The following SNTG2 variants were observed in gnomAD, a reference collection of about 807,000 sequenced individuals.
SNTG2 encodes syntrophin gamma 2, also known as gamma-2-syntrophin.
A neutral mutation model predicts 70.9 loss-of-function variants in SNTG2; 74 were observed. That is an observed-to-expected ratio of 1.04 (90% confidence interval 0.86 to 1.27). SNTG2 has a LOEUF of 1.27. SNTG2 is among the 50% of genes most tolerant of loss of function. The pLI, the probability that SNTG2 is intolerant of heterozygous loss-of-function variation, is 0.00. For missense variants in SNTG2, 717 were observed against 690.7 expected (o/e 1.04, Z -0.43); for synonymous variants, 278 against 273.8 (o/e 1.02, Z -0.15).
At chr2:1,119,750 T>C (rs112149028) in intron 4 of SNTG2, among the ~76,000 whole-genome samples, 1,955 of 150,768 alleles carry the variant, frequency 0.013, 34 homozygotes, top group African/African-American at 0.042. Context: ...CAGACGAGAG[T>C]GGAGGAAAGG....
intron 16 of SNTG2, among the ~76,000 whole-genome samples, chr2:1,356,446 T>C (rs1237319589): frequency 6.6e-6 from 1 of 152,242 alleles, no homozygotes; most frequent in East Asian, 1.9e-4. Flanking sequence ...GAGACTGACC[T>C]TTCCCCACTG....
At chr2:1,103,344 C>T in intron 4 of SNTG2, 1 of 265,076 alleles carries the variant, frequency 3.8e-6, no homozygotes, top group Non-Finnish European at 7.7e-6. Flanking sequence ...TCTTTCAATT[C>T]ATTAACCTTT....
intron 1 of SNTG2, among the ~76,000 whole-genome samples, chr2:1,015,838 C>T (rs1239627629): frequency 2.0e-5 from 3 of 152,110 alleles, no homozygotes; most frequent in Non-Finnish European, 4.4e-5. Flanking sequence ...TCCTTCGCTC[C>T]CAGCAGGATG....
At position 1,066,885 on chromosome 2, in the gene SNTG2, C is replaced by T. The variant is rs1008081059; in HGVS notation, c.73-16633C>T. On this transcript the variant is annotated intron_variant, in intron 1 of 16. Coordinates refer to ENST00000308624, the MANE Select transcript of SNTG2 (RefSeq NM_018968.4). ...GCTTCCACGATTACTCTCAGTTGGT[C>T]GTCAACTTCCAATGGCGTCGCTACG... Among the ~76,000 whole-genome samples the T allele has an allele frequency of 1.2e-4, 19 of 152,114 alleles. 1 individual carries two copies. The highest frequency in any genetic ancestry group is 4.6e-4 in the African/African-American group (19 of 41,424).
chr2:1,166,159 CTAA>C (rs1179638311), intron 7 of SNTG2, among the ~76,000 whole-genome samples: 1 of 152,190 alleles, frequency 6.6e-6, no homozygotes, highest in African/African-American at 2.4e-5. Flanking sequence ...GTAACTTTTA[CTAA>C]TGTTATTCAG....
intron 16 of SNTG2, among the ~76,000 whole-genome samples, chr2:1,351,956 A>G (rs1180272116): frequency 6.6e-6 from 1 of 151,934 alleles, no homozygotes; most frequent in African/African-American, 2.4e-5. Context: ...CTCATGTCTC[A>G]TGATGGACAG....
At chr2:1,079,594 T>G (rs1463884317) in intron 1 of SNTG2, among the ~76,000 whole-genome samples, 2 of 152,212 alleles carry the variant, frequency 1.3e-5, no homozygotes, top group Non-Finnish European at 2.9e-5. Flanking sequence ...AGCTAGCATT[T>G]AAAATTTTAT....
chr2:1,181,212 TATA>T (rs199742706), intron 8 of SNTG2, among the ~76,000 whole-genome samples: 25 of 132,178 alleles, frequency 1.9e-4, no homozygotes, highest in South Asian at 5.0e-4. Context: ...AAACTTAAAG[TATA>T]ATAATAATAA....
At chr2:1,173,293 G>T in intron 8 of SNTG2, 110 bp downstream of exon 8, 1 of 1,057,812 alleles carries the variant, frequency 9.5e-7, no homozygotes, top group Non-Finnish European at 1.4e-6. Context: ...GAAGATAATT[G>T]TGTTAGTTTC....
intron 14 of SNTG2, among the ~76,000 whole-genome samples, chr2:1,274,012 A>G (rs1397245818): frequency 1.3e-5 from 2 of 152,202 alleles, no homozygotes; most frequent in African/African-American, 4.8e-5. Flanking sequence ...TTCAAAAAAG[A>G]TTTCTAGATG....
chr2:963,775 G>A (rs62105720), intron 1 of SNTG2, among the ~76,000 whole-genome samples: 22,538 of 152,042 alleles, frequency 0.15, 2,431 homozygotes, highest in African/African-American at 0.28. Flanking sequence ...ACTAACTCTA[G>A]AATCTTAACA....
chr2:1,105,055 G>A (rs1405292646), intron 4 of SNTG2, among the ~76,000 whole-genome samples: 1 of 152,180 alleles, frequency 6.6e-6, no homozygotes, highest in South Asian at 2.1e-4. Flanking sequence ...TTCACCCTCA[G>A]AAAGGCTGAG....
At chr2:1,160,978 T>C (rs1670235656) in intron 6 of SNTG2, 1 of 152,208 alleles carries the variant, frequency 6.6e-6, no homozygotes, top group Non-Finnish European at 1.5e-5. Context: ...GAGATTTCAT[T>C]TCATAGTTGA....
chr2:1,260,121 T>G (rs1678340688), intron 13 of SNTG2, among the ~76,000 whole-genome samples: 1 of 152,248 alleles, frequency 6.6e-6, no homozygotes, highest in African/African-American at 2.4e-5. Flanking sequence ...AAGTGAAAGT[T>G]TAAATGTACG....
intron 9 of SNTG2, among the ~76,000 whole-genome samples, chr2:1,217,582 G>A (rs556440521): frequency 2.1e-4 from 32 of 152,314 alleles, no homozygotes; most frequent in Non-Finnish European, 4.4e-4. Flanking sequence ...AGGTCGTTAT[G>A]CAGCATCACA....
intron 1 of SNTG2, among the ~76,000 whole-genome samples, chr2:1,029,109 T>C (rs1474522970): frequency 6.6e-6 from 1 of 152,172 alleles, no homozygotes; most frequent in Non-Finnish European, 1.5e-5. Flanking sequence ...CCAGCCTACT[T>C]ATCTTTATCT....
intron 8 of SNTG2, among the ~76,000 whole-genome samples, chr2:1,190,130 G>A (rs912971306): frequency 3.3e-5 from 5 of 151,922 alleles, no homozygotes; most frequent in African/African-American, 4.8e-5. Context: ...AAGACCAACC[G>A]AATTTGGGGA....
chr2:1,271,146 C>T (rs74213619), intron 14 of SNTG2, among the ~76,000 whole-genome samples: 29,064 of 152,064 alleles, frequency 0.19, 3,548 homozygotes, highest in African/African-American at 0.33. Context: ...AAATATCGTT[C>T]CAAGTTATCC....
At chr2:1,291,625 T>G (rs1679997159) in intron 14 of SNTG2, among the ~76,000 whole-genome samples, 1 of 152,238 alleles carries the variant, frequency 6.6e-6, no homozygotes, top group South Asian at 2.1e-4. Flanking sequence ...TTGAATGGTC[T>G]TGACAACTTT....
Sources: gnomAD v4.1 joint callset for allele counts (sites outside exome capture counted in the v4.1 genomes callset) on GRCh38, gnomAD v4.1.1 for gene constraint, MANE v1.5 for transcripts, NCBI Gene and HGNC (gene_info 2026-07-23, HGNC 2026-07-21) for gene names.